Variants in LMTK2 observed in about 807,000 individuals in gnomAD.
LMTK2 encodes the protein lemur tail kinase 2.
LMTK2 carries 37 observed loss-of-function variants against 127.5 expected under a neutral mutation model. The ratio of observed to expected loss-of-function variants is 0.29; its 90% confidence interval spans 0.22 to 0.38. The LOEUF is 0.38. Among genes scored for constraint, LMTK2 ranks in the 10% least tolerant of loss-of-function variants. LMTK2 has a pLI of 1.00. For missense variants in LMTK2, 1,694 were observed against 1,920.3 expected (o/e 0.88, Z 2.20); for synonymous variants, 819 against 810.1 (o/e 1.01, Z -0.19).
rs1356968515 is a variant in LMTK2 at position 98,154,742 on chromosome 7, T to C, written c.451-16T>C. The stretch of plus-strand genomic sequence containing the variant: ...TTTTGATGGAAATGACACAAAAAAC[T>C]GTTCTTTGATTTTAGGTTCTCTTGG... On this transcript the variant is annotated splice_polypyrimidine_tract_variant and intron_variant, in intron 4 of 13. Transcript: ENST00000297293. The C allele has an allele frequency of 2.0e-6, 3 of 1,511,366 alleles. No homozygotes were observed. The highest frequency in any genetic ancestry group is 2.8e-6 in the Non-Finnish European group (3 of 1,089,212). 93.6% of individuals were successfully genotyped at this position (1,511,366 alleles called of 1,614,324 possible). A position where few individuals can be genotyped will look rare whatever the true frequency, so the allele number is the denominator to read the frequency against.
In LMTK2 at chr7:98,106,913, C is replaced by G; in HGVS notation, c.-265C>G. ...GCGGGAGCGCGGCTTCCCAGGCCCG[C>G]CGCTCCGCAGGGCTGCTGGCGTTGC... On this transcript the variant is annotated 5_prime_UTR_variant, in exon 1 of 14. Coordinates refer to ENST00000297293, the MANE Select transcript of LMTK2 (RefSeq NM_014916.4). The G allele has an allele frequency of 2.2e-6, 1 of 444,994 alleles. No individual in the cohort carries two copies. Among genetic ancestry groups the G allele is most frequent in the Non-Finnish European group, 4.0e-6 (1 of 251,168 alleles). 27.6% of individuals were successfully genotyped at this position (444,994 alleles called of 1,614,324 possible).
intron 2 of LMTK2, among the ~76,000 whole-genome samples, chr7:98,140,276 G>T (rs1796676167): frequency 6.6e-6 from 1 of 151,232 alleles, no homozygotes; most frequent in African/African-American, 2.4e-5. Context: ...GAGTAGCCAG[G>T]ACTACTCCAG....
At chr7:98,176,720 G>C (rs1371975680) in intron 7 of LMTK2, among the ~76,000 whole-genome samples, 1 of 152,120 alleles carries the variant, frequency 6.6e-6, no homozygotes, top group Non-Finnish European at 1.5e-5. Flanking sequence ...GGTGGCACAT[G>C]CCTGTAATCC....
In LMTK2 at chr7:98,194,762, G is replaced by A. The variant is rs529092442; in HGVS notation, c.4107+190G>A. Among the ~76,000 whole-genome samples the A allele has an allele frequency of 1.3e-5, 2 of 152,218 alleles. No individual in the cohort carries two copies. The highest frequency in any genetic ancestry group is 4.8e-5 in the African/African-American group (2 of 41,440). ...GAAATGTCATTTGCTCAGGGAGTTCGTATTAAATTAAGAGAAAGAGACCCG... is the reference window on the plus strand; with the variant it reads ...GAAATGTCATTTGCTCAGGGAGTTCATATTAAATTAAGAGAAAGAGACCCG... On this transcript the variant is annotated intron_variant, in intron 11 of 13. Coordinates refer to ENST00000297293, the MANE Select transcript of LMTK2 (RefSeq NM_014916.4). The surrounding 1 kb of genome is among the most constrained non-coding windows in gnomAD (Gnocchi z 5.4).
At position 98,191,956 on chromosome 7, in the gene LMTK2, C is replaced by T. The variant is rs749602468; in HGVS notation, c.1491C>T (p.Gly497=). Residue 497 remains glycine (G), a synonymous_variant, in exon 11 of 14, where the codon GGC becomes GGT. Transcript: ENST00000297293. ...GCAGCCGGGGCCACCTGGACGAAGG[C>T]TTGTCCTACACGAGCATCTTCTATC... ...DERSRGHLDE[G]LSYTSIFYPV... 32 of 1,614,058 alleles carry T rather than the reference C, an allele frequency of 2.0e-5. No individual in the cohort carries two copies. Among genetic ancestry groups the T allele is most frequent in the Non-Finnish European group, 2.6e-5 (31 of 1,180,036 alleles).
intron 1 of LMTK2, among the ~76,000 whole-genome samples, chr7:98,125,985 A>T (rs1252854997): frequency 6.6e-6 from 1 of 152,226 alleles, no homozygotes; most frequent in East Asian, 1.9e-4. Context: ...GAGAACTTGG[A>T]AGGACACATT....
rs1797834795 is a variant in LMTK2, at chr7:98,207,962, G to C, written c.*2470G>C. 6.7e-6 allele frequency: 1 copy of C among 150,310 alleles called. No homozygotes were observed. Among genetic ancestry groups the C allele is most frequent in the Admixed American group, 6.6e-5 (1 of 15,092 alleles). The allele number at this position is 150,310 out of a possible 1,614,324, so 9.3% of individuals were successfully genotyped here. ...AATATATATATATATATATATACTAGCTGGGGCACATAGTGGTGTGCACCT... is the reference window on the plus strand; with the variant it reads ...AATATATATATATATATATATACTACCTGGGGCACATAGTGGTGTGCACCT... On this transcript the variant is annotated 3_prime_UTR_variant, in exon 14 of 14. Transcript: ENST00000297293.
chr7:98,165,754 C>G (rs1171887246), intron 6 of LMTK2, among the ~76,000 whole-genome samples: 1 of 152,254 alleles, frequency 6.6e-6, no homozygotes, highest in African/African-American at 2.4e-5. Context: ...CACCTCAGTT[C>G]AGCAATTTCT....
chr7:98,154,640 T>G (rs867988729), intron 4 of LMTK2, 118 bp from the exon 5 acceptor site: 3 of 670,024 alleles, frequency 4.5e-6, no homozygotes, highest in Middle Eastern at 5.1e-4. Flanking sequence ...AGTAAAAGAA[T>G]AGAAGGTCAC....
rs1468077209 is a variant in LMTK2, at chr7:98,192,523, G to A, written c.2058G>A (p.Glu686=). 9.3e-6 allele frequency: 15 copies of A among 1,610,570 alleles called. No individual in the cohort carries two copies. The highest frequency in any genetic ancestry group is 1.2e-5 in the Non-Finnish European group (14 of 1,179,226). Residue 686 remains glutamate (E), a synonymous_variant, in exon 11 of 14, where the codon GAG becomes GAA. Transcript: ENST00000297293. The part of the protein sequence containing the change: ...PKESVITGHF[E]KEKPRKIFDS... ...AGTCAGTCATAACAGGCCACTTTGA[G>A]AAAGAAAAGCCCCGTAAGATTTTTG...
chr7:98,176,977 G>A (rs1047005803), intron 7 of LMTK2, among the ~76,000 whole-genome samples: 2 of 152,148 alleles, frequency 1.3e-5, no homozygotes, highest in African/African-American at 4.8e-5. Flanking sequence ...ATACTGACTT[G>A]TTCAGGGTCG....
At chr7:98,144,032 T>C (rs1423408560) in intron 3 of LMTK2, among the ~76,000 whole-genome samples, 2 of 152,248 alleles carry the variant, frequency 1.3e-5, no homozygotes, top group African/African-American at 2.4e-5. Flanking sequence ...CAAGCAATTC[T>C]ACAAGTTCTA....
chr7:98,152,467 C>T (rs1247610803), intron 4 of LMTK2, among the ~76,000 whole-genome samples: 4 of 152,248 alleles, frequency 2.6e-5, no homozygotes, highest in Admixed American at 6.5e-5. Context: ...CACCATTCAG[C>T]AAAACCTGTT....
chr7:98,158,946 T>C (rs963056546), intron 5 of LMTK2, among the ~76,000 whole-genome samples: 5 of 152,176 alleles, frequency 3.3e-5, no homozygotes, highest in Non-Finnish European at 5.9e-5. Flanking sequence ...TAATGCCAGC[T>C]ATTTGGCCAG....
chr7:98,115,671 G>A (rs1796271197), intron 1 of LMTK2, among the ~76,000 whole-genome samples: 1 of 151,670 alleles, frequency 6.6e-6, no homozygotes, highest in Non-Finnish European at 1.5e-5. Flanking sequence ...TGTGGTGGCG[G>A]GCACTTATAG....
intron 1 of LMTK2, among the ~76,000 whole-genome samples, chr7:98,109,435 A>T (rs2116309791): frequency 6.6e-6 from 1 of 152,188 alleles, no homozygotes; most frequent in South Asian, 2.1e-4. Context: ...ACCTAGGGTT[A>T]AAGTCTGTGG....
intron 5 of LMTK2, among the ~76,000 whole-genome samples, chr7:98,157,276 GGT>G (rs1796939627): frequency 6.6e-6 from 1 of 151,502 alleles, no homozygotes; most frequent in Non-Finnish European, 1.5e-5. Context: ...TAGGTAGGTA[GGT>G]AGGTAGGTAG....
At chr7:98,135,726 A>G (rs1313278781) in intron 1 of LMTK2, among the ~76,000 whole-genome samples, 2 of 152,186 alleles carry the variant, frequency 1.3e-5, no homozygotes, top group African/African-American at 4.8e-5. Flanking sequence ...TCCTAGTTGA[A>G]TAATATGTTT....
intron 5 of LMTK2, among the ~76,000 whole-genome samples, chr7:98,156,653 T>A (rs1796930267): frequency 6.6e-6 from 1 of 152,242 alleles, no homozygotes; most frequent in Non-Finnish European, 1.5e-5. Flanking sequence ...AGTTATATAT[T>A]AGCATTCTCC....
Sources: gnomAD v4.1 joint callset for allele counts (sites outside exome capture counted in the v4.1 genomes callset) on GRCh38, gnomAD v4.1.1 for gene constraint, Gnocchi (gnomAD v3.1) non-coding constraint, MANE v1.5 for transcripts, NCBI Gene and HGNC (gene_info 2026-07-23, HGNC 2026-07-21) for gene names.